PARN: variants seen among roughly 807,000 people sequenced by gnomAD.
The protein encoded by PARN is poly(A)-specific ribonuclease PARN.
In PARN, 71 loss-of-function variants were observed where a neutral mutation model predicts 102.8. That is an observed-to-expected ratio of 0.69 (90% confidence interval 0.57 to 0.84). The LOEUF (loss-of-function observed/expected upper bound fraction) is 0.84. PARN is among the 40% of genes least tolerant of loss of function. The pLI, the probability that PARN is intolerant of heterozygous loss-of-function variation, is 0.00. For missense variants in PARN, 782 were observed against 760.9 expected (o/e 1.03, Z -0.33); for synonymous variants, 261 against 252.9 (o/e 1.03, Z -0.30).
chr16:14,584,697 C>T, intron 15 of PARN, 52 bp downstream of exon 15: 2 of 1,267,860 alleles, frequency 1.6e-6, no homozygotes, highest in African/African-American at 1.5e-5. Context: ...TTCTGGCATT[C>T]ATTTCACTCA....
intron 6 of PARN, among the ~76,000 whole-genome samples, chr16:14,617,143 T>G (rs970781545): frequency 8.6e-5 from 13 of 151,110 alleles, no homozygotes; most frequent in African/African-American, 1.7e-4. Context: ...CCAGCATTTT[T>G]GGAGGCCAAG....
At chr16:14,497,608 T>G (rs1289496152) in intron 21 of PARN, among the ~76,000 whole-genome samples, 3 of 152,326 alleles carry the variant, frequency 2.0e-5, no homozygotes, top group South Asian at 4.1e-4. Context: ...CAGTGCTCCA[T>G]GTTTCTTCTA....
chr16:14,587,000 G>C (rs186506184), intron 13 of PARN, among the ~76,000 whole-genome samples: 243 of 152,306 alleles, frequency 1.6e-3, no homozygotes, highest in Non-Finnish European at 3.0e-3. Flanking sequence ...GAGCTGAAAT[G>C]AGAGTCCTCT....
chr16:14,623,453 G>A (rs536507127), intron 5 of PARN, among the ~76,000 whole-genome samples: 89 of 151,848 alleles, frequency 5.9e-4, no homozygotes, highest in Non-Finnish European at 1.1e-3. Context: ...GGTGGAGGTC[G>A]TGGTGAGCCA....
At chr16:14,585,789 AAG>A (rs1320722926) in intron 14 of PARN, among the ~76,000 whole-genome samples, 1 of 152,150 alleles carries the variant, frequency 6.6e-6, no homozygotes, top group African/African-American at 2.4e-5. Flanking sequence ...GATAAGAAAA[AAG>A]GAGTCGTTGG....
intron 8 of PARN, among the ~76,000 whole-genome samples, chr16:14,608,735 A>G (rs1260010365): frequency 6.6e-6 from 1 of 152,220 alleles, no homozygotes; most frequent in Non-Finnish European, 1.5e-5. Flanking sequence ...GTAGCCTGAA[A>G]GTGAATTCTT....
chr16:14,577,765 T>A (rs1969235646), intron 18 of PARN, among the ~76,000 whole-genome samples: 1 of 152,044 alleles, frequency 6.6e-6, no homozygotes, highest in Admixed American at 6.6e-5. Flanking sequence ...CCTCCTGGGT[T>A]CAAGCAATTC....
intron 21 of PARN, among the ~76,000 whole-genome samples, chr16:14,501,282 CAAACAAAA>C: frequency 7.3e-6 from 1 of 137,168 alleles, no homozygotes. Flanking sequence ...AAACAAAAAA[CAAACAAAA>C]AAACAATAAT....
At chr16:14,545,230 A>G (rs929642567) in intron 21 of PARN, among the ~76,000 whole-genome samples, 11 of 152,186 alleles carry the variant, frequency 7.2e-5, no homozygotes, top group Non-Finnish European at 1.5e-4. Flanking sequence ...AGACTAACCA[A>G]TATTGATGTT....
intron 21 of PARN, among the ~76,000 whole-genome samples, chr16:14,489,175 G>A (rs1235548643): frequency 6.6e-6 from 1 of 152,176 alleles, no homozygotes; most frequent in Non-Finnish European, 1.5e-5. Flanking sequence ...CAGTAGAATA[G>A]CTGGTACTGG....
chr16:14,534,341 C>T (rs4346222), intron 21 of PARN, among the ~76,000 whole-genome samples: 24,411 of 151,556 alleles, frequency 0.16, 2,522 homozygotes, highest in Middle Eastern at 0.28. Flanking sequence ...CTATAAAGAA[C>T]ACAGGGCATA....
At chr16:14,477,765 G>A (rs931679831) in intron 22 of PARN, among the ~76,000 whole-genome samples, 19 of 151,872 alleles carry the variant, frequency 1.3e-4, no homozygotes, top group Admixed American at 5.3e-4. Flanking sequence ...GCAACACAGC[G>A]AGACTCCGTC....
chr16:14,479,299 G>C, intron 22 of PARN, among the ~76,000 whole-genome samples: 1 of 151,920 alleles, frequency 6.6e-6, no homozygotes, highest in East Asian at 1.9e-4. Context: ...GCAAGTGGCT[G>C]TAGTCCCAGC....
intron 21 of PARN, among the ~76,000 whole-genome samples, chr16:14,490,371 G>A (rs1408818237): frequency 6.6e-6 from 1 of 152,154 alleles, no homozygotes; most frequent in East Asian, 1.9e-4. Flanking sequence ...GACACCACAT[G>A]CACTGGAAGG....
In PARN at chr16:14,628,184, C is replaced by G. The variant is rs1340476762; in HGVS notation, c.165G>C (p.Gln55His). The G allele has an allele frequency of 4.4e-6, 7 of 1,591,026 alleles. No individual in the cohort carries two copies. In the African/African-American group the frequency reaches 6.7e-5, roughly 15 times the overall value. The stretch of plus-strand genomic sequence containing the variant: ...CACATCCACTTGCCTTTTTAAGCTT[C>G]TGATACCTCTCTTCTGGAGTGTCAA... ...NGFDTPEERY[Q>H]KLKKHSMDFL... The change falls in exon 3 of 24, where the codon CAG becomes CAC. Residue 55 changes from glutamine to histidine, a missense_variant. Transcript: ENST00000437198.
At chr16:14,459,714 G>T (rs927561800) in intron 22 of PARN, among the ~76,000 whole-genome samples, 15 of 152,118 alleles carry the variant, frequency 9.9e-5, no homozygotes, top group Non-Finnish European at 1.5e-5. Context: ...ATATAGAAAA[G>T]ACAAGATTAA....
intron 21 of PARN, among the ~76,000 whole-genome samples, chr16:14,548,825 A>G (rs1967121468): frequency 6.6e-6 from 1 of 152,126 alleles, no homozygotes; most frequent in Admixed American, 6.6e-5. Flanking sequence ...GTGGTGGTGC[A>G]TGCTTGTAAT....
At chr16:14,557,285 C>T (rs759366883) in intron 18 of PARN, among the ~76,000 whole-genome samples, 1 of 150,218 alleles carries the variant, frequency 6.7e-6, no homozygotes, top group Admixed American at 6.6e-5. Flanking sequence ...CAGGGCCAGG[C>T]GCGGTGGCTC....
In PARN at chr16:14,593,492, TA is replaced by T. The variant is rs35329440; in HGVS notation, c.841-115del. The stretch of plus-strand genomic sequence containing the variant: ...TTGTACTAAACTCGCTTTCCAGACT[TA>T]AAAAAAAAAAAAAAAAAAAAAAAAA... On this transcript the variant is annotated intron_variant, in intron 12 of 23. Coordinates refer to ENST00000437198, the MANE Select transcript of PARN (RefSeq NM_002582.4). The T allele has an allele frequency of 6.3e-3, 200 of 31,784 alleles. 1 individual carries two copies. Among genetic ancestry groups the T allele is most frequent in the Non-Finnish European group, 8.5e-3 (157 of 18,548 alleles). The allele number at this position is 31,784 out of a possible 1,614,324, so 2.0% of individuals were successfully genotyped here.
Sources: gnomAD v4.1 joint callset for allele counts (sites outside exome capture counted in the v4.1 genomes callset) on GRCh38, gnomAD v4.1.1 for gene constraint, MANE v1.5 for transcripts, NCBI Gene and HGNC (gene_info 2026-07-23, HGNC 2026-07-21) for gene names.